The following MAPRE3 variants were observed in gnomAD, a reference collection of about 807,000 sequenced individuals.
MAPRE3 encodes microtubule-associated protein RP/EB family member 3.
In MAPRE3, 2 loss-of-function variants were observed where a neutral mutation model predicts 30.5. The ratio of observed to expected loss-of-function variants is 0.07; its 90% CI spans 0.03 to 0.21. MAPRE3 has a LOEUF of 0.21. Among genes scored for constraint, MAPRE3 ranks in the 10% least tolerant of loss-of-function variants. The pLI, the probability that MAPRE3 is intolerant of heterozygous loss-of-function variation, is 1.00. For synonymous variants in MAPRE3, 110 were observed against 127.7 expected (o/e 0.86, Z 0.93); for missense variants, 204 against 351.8 (o/e 0.58, Z 3.36).
At chr2:26,971,489 C>T (rs895411157) in intron 1 of MAPRE3, among the ~76,000 whole-genome samples, 1 of 152,140 alleles carries the variant, frequency 6.6e-6, no homozygotes, top group Non-Finnish European at 1.5e-5. Flanking sequence ...AGCTACTGCC[C>T]GGCCGGTGTT....
intron 1 of MAPRE3, among the ~76,000 whole-genome samples, chr2:27,018,923 A>ATTTT (rs1367314834): frequency 4.0e-5 from 6 of 150,362 alleles, no homozygotes; most frequent in South Asian, 2.1e-4. Context: ...TTATTTATTT[A>ATTTT]TTTATTTTTT....
chr2:26,986,682 C>G lies in MAPRE3; in HGVS notation c.-8+15880C>G, dbSNP rs886397769. 6.6e-6 allele frequency: 1 copy of G among 152,178 alleles called. No individual in the cohort carries two copies. Among genetic ancestry groups the G allele is most frequent in the African/African-American group, 2.4e-5 (1 of 41,400 alleles). The allele number at this position is 152,178 out of a possible 1,614,324, so 9.4% of individuals were successfully genotyped here. Reference sequence around the variant, plus strand: ...TCACCTTTGGTCCTTCTCAGGCAGACTAAGCTGGATGGGCCTTTGGTTTGG... The same window carrying G: ...TCACCTTTGGTCCTTCTCAGGCAGAGTAAGCTGGATGGGCCTTTGGTTTGG... On this transcript the variant is annotated intron_variant, in intron 1 of 6. Transcript: ENST00000233121. This position sits in a 1 kb window ranked among gnomAD's most constrained non-coding sequence, Gnocchi z 4.2.
In MAPRE3 at chr2:27,002,775, G is replaced by A. The variant is rs2148214085; in HGVS notation, c.-7-19437G>A. ...GCATGCACCTCGCTCATCTATTCTT[G>A]TTTTGAAAGTCCTTTCTGCCACTGT... is the stretch of plus-strand genomic sequence containing the variant. On this transcript the variant is annotated intron_variant, in intron 1 of 6. Coordinates refer to ENST00000233121, the MANE Select transcript of MAPRE3 (RefSeq NM_012326.4). 4 of 152,314 alleles carry A rather than the reference G, an allele frequency of 2.6e-5. 1 individual carries two copies. Among genetic ancestry groups the A allele is most frequent in the Admixed American group, 2.6e-4 (4 of 15,302 alleles). 9.4% of individuals were successfully genotyped at this position (152,314 alleles called of 1,614,324 possible).
chr2:26,990,659 C>T (rs1666318800), intron 1 of MAPRE3, among the ~76,000 whole-genome samples: 1 of 152,104 alleles, frequency 6.6e-6, no homozygotes. Flanking sequence ...AATATACATA[C>T]CTGGTAACAG....
At chr2:26,974,200 A>G (rs1264535288) in intron 1 of MAPRE3, among the ~76,000 whole-genome samples, 1 of 152,162 alleles carries the variant, frequency 6.6e-6, no homozygotes, top group Non-Finnish European at 1.5e-5. Flanking sequence ...CATCCCTCAT[A>G]ATGTTCCAAA....
At position 27,024,217 on chromosome 2, in the gene MAPRE3, G is replaced by A. The variant is rs749554114; in HGVS notation, c.389G>A (p.Arg130Gln). Residue 130 changes from arginine (R) to glutamine (Q), a missense_variant, in exon 4 of 7, where the codon CGG becomes CAG. By Grantham distance (43) the Arg-to-Gln change is conservative. Transcript: ENST00000233121. ...AAGGATTACAACCCTCTGCTGGCGC[G>A]GCAGGGCCAGGACGTAGCGCCACCT... is the stretch of plus-strand genomic sequence containing the variant. The part of the protein sequence containing the change: ...DGKDYNPLLA[R>Q]QGQDVAPPPN... The A allele has an allele frequency of 5.0e-6, 8 of 1,614,080 alleles. No homozygotes were observed. Among genetic ancestry groups the A allele is most frequent in the African/African-American group, 2.7e-5 (2 of 74,934 alleles).
chr2:26,996,800 C>G (rs1283770150), intron 1 of MAPRE3: 1 of 151,868 alleles, frequency 6.6e-6, no homozygotes, highest in Non-Finnish European at 1.5e-5. Flanking sequence ...GAGCGAGACT[C>G]CATCCCAAAA....
At chr2:27,013,166 A>G (rs1666898506) in intron 1 of MAPRE3, 1 of 152,584 alleles carries the variant, frequency 6.6e-6, no homozygotes, top group African/African-American at 2.4e-5. Context: ...CCAACACGTC[A>G]TGGCAGCTGC....
chr2:27,019,226 A>G (rs1206574579), intron 1 of MAPRE3, among the ~76,000 whole-genome samples: 1 of 151,930 alleles, frequency 6.6e-6, no homozygotes, highest in African/African-American at 2.4e-5. Context: ...ACCATGTGGG[A>G]TGCCATGAAG....
intron 3 of MAPRE3, 103 bp from the exon 4 acceptor site, chr2:27,023,993 C>A: frequency 1.2e-6 from 1 of 859,402 alleles, no homozygotes. Context: ...GAGGACGCTG[C>A]AGCCCAGGGG....
intron 1 of MAPRE3, among the ~76,000 whole-genome samples, chr2:26,980,712 AT>A (rs1666097070): frequency 6.6e-6 from 1 of 152,196 alleles, no homozygotes; most frequent in Non-Finnish European, 1.5e-5. Flanking sequence ...AAAGGGTACG[AT>A]TTTTTAAATA....
chr2:26,999,086 A>G (rs1666528259), intron 1 of MAPRE3, among the ~76,000 whole-genome samples: 1 of 152,148 alleles, frequency 6.6e-6, no homozygotes, highest in Non-Finnish European at 1.5e-5. Context: ...CAGGAGGAAG[A>G]ACAACAGTCT....
Position 27,008,341 on chromosome 2 carries a change from G to A in MAPRE3, c.-7-13871G>A, listed in dbSNP as rs1295646984. On this transcript the variant is annotated intron_variant, in intron 1 of 6. Transcript: ENST00000233121. ...ACAGTGGCGCATGCCTGTAATCCCGGCTACTTGGAAGGCTGAGGAGGAGGA... is the reference window on the plus strand; with the variant it reads ...ACAGTGGCGCATGCCTGTAATCCCGACTACTTGGAAGGCTGAGGAGGAGGA... Among the ~76,000 whole-genome samples the A allele has an allele frequency of 2.6e-5, 4 of 152,170 alleles. No individual in the cohort carries two copies. In the East Asian group the frequency reaches 7.7e-4, roughly 29 times the overall value.
intron 1 of MAPRE3, among the ~76,000 whole-genome samples, chr2:26,980,668 A>C (rs1015595822): frequency 5.9e-5 from 9 of 152,206 alleles, no homozygotes; most frequent in African/African-American, 2.2e-4. Flanking sequence ...TTATTTATTC[A>C]TGGTATATTC....
intron 1 of MAPRE3, among the ~76,000 whole-genome samples, chr2:27,002,534 T>C (rs1666622411): frequency 6.6e-6 from 1 of 152,182 alleles, no homozygotes; most frequent in Non-Finnish European, 1.5e-5. Context: ...TTTTTTGTTC[T>C]GTCATTAAGC....
intron 1 of MAPRE3, among the ~76,000 whole-genome samples, chr2:26,977,651 C>T (rs147640215): frequency 6.6e-6 from 1 of 152,296 alleles, no homozygotes; most frequent in African/African-American, 2.4e-5. Flanking sequence ...GTTGGGTGCC[C>T]ACCTGTGGCC....
At chr2:26,999,207 AG>A (rs1666530904) in intron 1 of MAPRE3, among the ~76,000 whole-genome samples, 1 of 152,212 alleles carries the variant, frequency 6.6e-6, no homozygotes, top group South Asian at 2.1e-4. Context: ...ATAGAGATAT[AG>A]AGAGCCATTG....
chr2:27,017,828 G>T (rs561904735), intron 1 of MAPRE3, among the ~76,000 whole-genome samples: 1 of 152,040 alleles, frequency 6.6e-6, no homozygotes, highest in Admixed American at 6.6e-5. Flanking sequence ...TGTAAAATAT[G>T]TGCATATAAC....
rs2148232305 is a variant in MAPRE3 at position 27,026,998 on chromosome 2, GC to G, written c.*655del. ...CTGGCACCAGGCTCACCCACCCAAGGCCCCCTGCCCCAGCACTGAATCCCAG... is the reference window on the plus strand; with the variant it reads ...CTGGCACCAGGCTCACCCACCCAAGGCCCCTGCCCCAGCACTGAATCCCAG... On this transcript the variant is annotated 3_prime_UTR_variant, in exon 7 of 7. Transcript: ENST00000233121. 6.6e-6 allele frequency: 1 copy of G among 152,462 alleles called. No homozygotes were observed. The highest frequency in any genetic ancestry group is 1.5e-5 in the Non-Finnish European group (1 of 68,282). 9.4% of individuals were successfully genotyped at this position (152,462 alleles called of 1,614,324 possible).
Sources: gnomAD v4.1 joint callset for allele counts (sites outside exome capture counted in the v4.1 genomes callset) on GRCh38, gnomAD v4.1.1 for gene constraint, Gnocchi (gnomAD v3.1) non-coding constraint, MANE v1.5 for transcripts, NCBI Gene and HGNC (gene_info 2026-07-23, HGNC 2026-07-21) for gene names.